CAMK1D: variants seen among roughly 807,000 people sequenced by gnomAD.
CAMK1D encodes the protein calcium/calmodulin-dependent protein kinase type 1D.
Under a neutral mutation model 47.7 loss-of-function variants are expected in CAMK1D, and 9 were observed. The observed-to-expected ratio is 0.19, with a 90% confidence interval of 0.11 to 0.33. The LOEUF (loss-of-function observed/expected upper bound fraction) is 0.33. CAMK1D is among the 10% of genes least tolerant of loss of function. The pLI, the probability that CAMK1D is intolerant of heterozygous loss-of-function variation, is 1.00. For synonymous variants in CAMK1D, 184 were observed against 184.9 expected, an observed-to-expected ratio of 0.99 and a Z score of 0.04; for missense variants, 291 against 488.7, an observed-to-expected ratio of 0.60 and a Z score of 3.81.
At chr10:12,483,995 T>C (rs912246961) in intron 1 of CAMK1D, among the ~76,000 whole-genome samples, 2 of 152,162 alleles carry the variant, frequency 1.3e-5, no homozygotes, top group Non-Finnish European at 2.9e-5. Flanking sequence ...CCAGTTTTAA[T>C]TTTCTTAATG....
At chr10:12,744,456 G>A (rs1835573562) in intron 3 of CAMK1D, among the ~76,000 whole-genome samples, 2 of 149,278 alleles carry the variant, frequency 1.3e-5, no homozygotes, top group Non-Finnish European at 2.9e-5. Flanking sequence ...AATGGGTGAG[G>A]TTCCACTTTC....
At chr10:12,422,819 C>T (rs537216375) in intron 1 of CAMK1D, among the ~76,000 whole-genome samples, 3 of 151,952 alleles carry the variant, frequency 2.0e-5, no homozygotes, top group South Asian at 2.1e-4. Context: ...ATTACAGGCG[C>T]CTGCCACCAT....
At chr10:12,607,583 A>C (rs1406837713) in intron 2 of CAMK1D, among the ~76,000 whole-genome samples, 1 of 152,172 alleles carries the variant, frequency 6.6e-6, no homozygotes, top group Non-Finnish European at 1.5e-5. Flanking sequence ...TGCCCTGAGG[A>C]TCTAAAACAA....
intron 1 of CAMK1D, among the ~76,000 whole-genome samples, chr10:12,482,264 A>C (rs1441349632): frequency 6.6e-6 from 1 of 152,158 alleles, no homozygotes; most frequent in Non-Finnish European, 1.5e-5. Flanking sequence ...TGTGCCCAGC[A>C]GCACTTTGGG....
At chr10:12,575,094 T>G (rs1458400538) in intron 2 of CAMK1D, among the ~76,000 whole-genome samples, 1 of 152,038 alleles carries the variant, frequency 6.6e-6, no homozygotes, top group Non-Finnish European at 1.5e-5. Flanking sequence ...TCTTTTTTCT[T>G]TTTCTTTTTA....
At chr10:12,801,394 CCA>C (rs1838469058) in intron 6 of CAMK1D, among the ~76,000 whole-genome samples, 2 of 150,204 alleles carry the variant, frequency 1.3e-5, no homozygotes, top group Non-Finnish European at 1.5e-5. Context: ...ATCTATCTAT[CCA>C]TCCATCTGTC....
chr10:12,781,195 T>C (rs1260286179), intron 5 of CAMK1D, among the ~76,000 whole-genome samples: 1 of 152,210 alleles, frequency 6.6e-6, no homozygotes, highest in Non-Finnish European at 1.5e-5. Context: ...CCATTTGTTC[T>C]TTGTCATGAT....
At chr10:12,609,723 C>T (rs994047319) in intron 2 of CAMK1D, among the ~76,000 whole-genome samples, 1 of 152,136 alleles carries the variant, frequency 6.6e-6, no homozygotes, top group Non-Finnish European at 1.5e-5. Flanking sequence ...CTTGCTGCCC[C>T]CCTCTTGCTG....
intron 6 of CAMK1D, among the ~76,000 whole-genome samples, chr10:12,801,255 A>ATCCG (rs761830576): frequency 7.0e-6 from 1 of 142,490 alleles, no homozygotes; most frequent in South Asian, 2.2e-4. Flanking sequence ...CCATCCATCC[A>ATCCG]TCCATCTGTC....
At chr10:12,546,107 A>T (rs748607559) in intron 1 of CAMK1D, among the ~76,000 whole-genome samples, 1 of 152,226 alleles carries the variant, frequency 6.6e-6, no homozygotes, top group Non-Finnish European at 1.5e-5. Context: ...TCCCATAGAC[A>T]TGAAACCTCA....
chr10:12,454,080 T>C (rs1021134169), intron 1 of CAMK1D, among the ~76,000 whole-genome samples: 1 of 152,236 alleles, frequency 6.6e-6, no homozygotes, highest in African/African-American at 2.4e-5. Context: ...TGCTTCTAGC[T>C]CCTGTCTTCA....
chr10:12,415,024 CA>C (rs1839794362), intron 1 of CAMK1D, among the ~76,000 whole-genome samples: 1 of 152,022 alleles, frequency 6.6e-6, no homozygotes, highest in Admixed American at 6.6e-5. Context: ...TTATGTTTCC[CA>C]GTTTGATTCT....
Position 12,694,241 on chromosome 10 carries a change from T to TATATATTATACATAATATAA in CAMK1D, c.299+27432_299+27433insTATATTATACATAATATAAA, listed in dbSNP as rs1554811674. Among the ~76,000 whole-genome samples the TATATATTATACATAATATAA allele has an allele frequency of 1.2e-4, 2 of 17,212 alleles. 1 individual carries two copies. Among genetic ancestry groups the TATATATTATACATAATATAA allele is most frequent in the Non-Finnish European group, 1.8e-4 (2 of 10,882 alleles). 11.3% of individuals were successfully genotyped at this position (17,212 alleles called of 152,430 possible). ...TAAAATATATATTATGTATAATATATAATATATATTATGTATAATATATAA... is the reference window on the plus strand; with the variant it reads ...TAAAATATATATTATGTATAATATATATATATTATACATAATATAAAATATATATTATGTATAATATATAA... On this transcript the variant is annotated intron_variant, in intron 3 of 10. Coordinates refer to ENST00000619168, the MANE Select transcript of CAMK1D (RefSeq NM_153498.4).
At chr10:12,538,832 G>T (rs935586102) in intron 1 of CAMK1D, among the ~76,000 whole-genome samples, 1 of 151,612 alleles carries the variant, frequency 6.6e-6, no homozygotes, top group Admixed American at 6.6e-5. Flanking sequence ...CTGAAGTGGT[G>T]GGGGAGGGGG....
chr10:12,357,476 C>T (rs1040424662), intron 1 of CAMK1D, among the ~76,000 whole-genome samples: 1 of 152,112 alleles, frequency 6.6e-6, no homozygotes, highest in African/African-American at 2.4e-5. Flanking sequence ...CTACCACGCC[C>T]AGCTAATTTT....
chr10:12,424,903 A>G (rs556345928), intron 1 of CAMK1D, among the ~76,000 whole-genome samples: 1 of 152,234 alleles, frequency 6.6e-6, no homozygotes, highest in South Asian at 2.1e-4. Context: ...GTCCGACCAT[A>G]CGACATCTGG....
chr10:12,403,415 A>C (rs1410186299), intron 1 of CAMK1D, among the ~76,000 whole-genome samples: 1 of 152,216 alleles, frequency 6.6e-6, no homozygotes, highest in Non-Finnish European at 1.5e-5. Flanking sequence ...GATAAAGGTG[A>C]TAATCGATCC....
At chr10:12,396,065 G>C (rs528355367) in intron 1 of CAMK1D, among the ~76,000 whole-genome samples, 25 of 152,134 alleles carry the variant, frequency 1.6e-4, no homozygotes, top group Non-Finnish European at 3.5e-4. Flanking sequence ...GTAGAGACAG[G>C]GTTTCATCAT....
At chr10:12,630,201 T>C (rs1272245488) in intron 2 of CAMK1D, among the ~76,000 whole-genome samples, 2 of 152,136 alleles carry the variant, frequency 1.3e-5, no homozygotes, top group African/African-American at 4.8e-5. Flanking sequence ...CTTACCTAAC[T>C]TTCATGCTCC....
Sources: gnomAD v4.1 joint callset for allele counts (sites outside exome capture counted in the v4.1 genomes callset) on GRCh38, gnomAD v4.1.1 for gene constraint, MANE v1.5 for transcripts, NCBI Gene and HGNC (gene_info 2026-07-23, HGNC 2026-07-21) for gene names.